The following TTC19 variants were observed in gnomAD, a reference collection of about 807,000 sequenced individuals.
The protein encoded by TTC19 is tetratricopeptide repeat domain 19, also known as tetratricopeptide repeat protein 19, mitochondrial.
A neutral mutation model predicts 49.5 loss-of-function variants in TTC19; 38 were observed. That is an observed-to-expected ratio of 0.77 (90% CI 0.59 to 1.01). The LOEUF (loss-of-function observed/expected upper bound fraction) is 1.01. Ranked by LOEUF, TTC19 falls within the 50% of genes least tolerant of loss-of-function variation. The pLI is 0.00. For missense variants in TTC19, 475 were observed against 477.7 expected, an observed-to-expected ratio of 0.99 and a Z score of 0.05; for synonymous variants, 204 against 185.2, an observed-to-expected ratio of 1.10 and a Z score of -0.83.
intron 7 of TTC19, among the ~76,000 whole-genome samples, chr17:16,019,170 TAAAAATACAAAAATTAGCC>T (rs1486050797): frequency 6.6e-6 from 1 of 152,118 alleles, no homozygotes; most frequent in Non-Finnish European, 1.5e-5. Flanking sequence ...TTGTCTCTAC[TAAAAATACAAAAATTAGCC>T]CAACATGGTG....
chr17:16,021,753 T>G (rs1597465307), intron 7 of TTC19, among the ~76,000 whole-genome samples: 1 of 152,204 alleles, frequency 6.6e-6, no homozygotes, highest in Non-Finnish European at 1.5e-5. Context: ...TCTAAAATTT[T>G]GGGGGATGAG....
Position 16,029,348 on chromosome 17 carries a change from G to A in TTC19, c.*1826G>A. On this transcript the variant is annotated 3_prime_UTR_variant, in exon 10 of 10. Transcript: ENST00000261647. ...GGAGGACTGATCTCCTTTACTGATT[G>A]GTCTAAATTCAAAAGTGAATTGGTT... The A allele has an allele frequency of 2.5e-6, 1 of 395,096 alleles. No homozygotes were observed. Among genetic ancestry groups the A allele is most frequent in the South Asian group, 1.9e-5 (1 of 52,824 alleles). The allele number at this position is 395,096 out of a possible 1,614,324, so 24.5% of individuals were successfully genotyped here.
downstream of TTC19, chr17:16,031,900 G>A (rs971876924): frequency 7.6e-5 from 18 of 237,378 alleles, no homozygotes; most frequent in Middle Eastern, 1.2e-3. Flanking sequence ...AAGTTGATGC[G>A]CTGATTTGAA....
downstream of TTC19, chr17:16,032,490 A>G (rs779704322): frequency 1.3e-6 from 2 of 1,559,966 alleles, no homozygotes; most frequent in East Asian, 4.7e-5. Context: ...GAGCCTGACA[A>G]AAGAAAAATT....
intron 7 of TTC19, among the ~76,000 whole-genome samples, chr17:16,008,492 T>A (rs1970975338): frequency 6.6e-6 from 1 of 152,200 alleles, no homozygotes; most frequent in Non-Finnish European, 1.5e-5. Flanking sequence ...TGACCATGTC[T>A]CATCCCATTA....
intron 2 of TTC19, among the ~76,000 whole-genome samples, chr17:16,038,830 G>GCA (rs1444623606): frequency 2.0e-4 from 30 of 152,258 alleles, no homozygotes; most frequent in African/African-American, 7.0e-4. Context: ...GAGTGCAGTG[G>GCA]TGTGATCTCA....
In TTC19 at chr17:16,025,004, CTT is replaced by C; in HGVS notation, c.677-10_677-9del. 6.2e-7 allele frequency: 1 copy of C among 1,613,798 alleles called. No homozygotes were observed. Among genetic ancestry groups the C allele is most frequent in the South Asian group, 1.1e-5 (1 of 91,066 alleles). Reference sequence around the variant, plus strand: ...CATTTGGGTAGATTTGCTGATTCCTCTTTTCTCCTTAGTGGAAGAGAAAGCCA... The same window carrying C: ...CATTTGGGTAGATTTGCTGATTCCTCTTCTCCTTAGTGGAAGAGAAAGCCA... On this transcript the variant is annotated splice_polypyrimidine_tract_variant and intron_variant, in intron 7 of 9. Transcript: ENST00000261647.
At chr17:16,009,691 G>T (rs1260185572) in intron 7 of TTC19, among the ~76,000 whole-genome samples, 3 of 151,984 alleles carry the variant, frequency 2.0e-5, no homozygotes, top group African/African-American at 4.8e-5. Flanking sequence ...AAATTTACGT[G>T]CTTTTTATTG....
chr17:16,023,107 C>T (rs1449765871), intron 7 of TTC19, among the ~76,000 whole-genome samples: 1 of 152,076 alleles, frequency 6.6e-6, no homozygotes, highest in East Asian at 1.9e-4. Context: ...AGTTTTCTTA[C>T]GTTTTCTAAA....
chr17:16,044,838 G>A, exon 3 of TTC19: 1 of 1,039,952 alleles, frequency 9.6e-7, no homozygotes, highest in Non-Finnish European at 1.5e-6. Flanking sequence ...CCAGCAGCTG[G>A]TGCTGCACCA....
chr17:16,012,341 A>C (rs1264551553), intron 7 of TTC19, among the ~76,000 whole-genome samples: 2 of 152,030 alleles, frequency 1.3e-5, no homozygotes, highest in African/African-American at 4.8e-5. Context: ...TTATCTGGGC[A>C]TGGTGTTGCG....
At chr17:16,032,799 G>C (rs1260189990), downstream of TTC19, among the ~76,000 whole-genome samples, 4 of 152,246 alleles carry the variant, frequency 2.6e-5, no homozygotes, top group South Asian at 4.1e-4. Flanking sequence ...GAGAATCACA[G>C]AGTCAGGTTA....
intron 9 of TTC19, 48 bp downstream of exon 9, chr17:16,026,750 C>T (rs1476539812): frequency 1.3e-6 from 2 of 1,598,352 alleles, no homozygotes; most frequent in Non-Finnish European, 1.7e-6. Flanking sequence ...GGAGGGATGT[C>T]ACTGGATTGA....
chr17:16,026,054 G>C (rs1597469302), intron 8 of TTC19, among the ~76,000 whole-genome samples: 1 of 152,100 alleles, frequency 6.6e-6, no homozygotes, highest in East Asian at 1.9e-4. Flanking sequence ...TTCCATTTCA[G>C]TAGCCAAATT....
At chr17:16,031,207 G>T (rs1045955167), downstream of TTC19, 5 of 199,796 alleles carry the variant, frequency 2.5e-5, no homozygotes, top group Admixed American at 6.0e-5. Context: ...GTAAATGCTG[G>T]TCCATAGTGA....
Position 16,028,818 on chromosome 17 carries a change from CAAAAAAAAAAAAAAA to C in TTC19, c.*1310_*1324del, listed in dbSNP as rs59177775. ...GTATCCCAGTAATCTTTGCATTTCT[CAAAAAAAAAAAAAAA>C]AAAAAAAAAAAAACTTTCTGAAGAA... is the stretch of plus-strand genomic sequence containing the variant. On this transcript the variant is annotated 3_prime_UTR_variant, in exon 10 of 10. Coordinates refer to ENST00000261647, the MANE Select transcript of TTC19 (RefSeq NM_017775.4). 14 of 98,094 alleles carry C rather than the reference CAAAAAAAAAAAAAAA, an allele frequency of 1.4e-4. No homozygotes were observed. Among genetic ancestry groups the C allele is most frequent in the South Asian group, 1.8e-4 (3 of 16,946 alleles). The allele number at this position is 98,094 out of a possible 1,614,324, so 6.1% of individuals were successfully genotyped here. A position where few individuals can be genotyped will look rare whatever the true frequency, so the allele number is the denominator to read the frequency against.
intron 2 of TTC19, among the ~76,000 whole-genome samples, chr17:16,042,826 A>T (rs1452085167): frequency 6.6e-6 from 1 of 152,224 alleles, no homozygotes; most frequent in Non-Finnish European, 1.5e-5. Flanking sequence ...AGGAGCCAGT[A>T]AGTTAGTCAA....
chr17:16,027,061 A>G (rs1971584150), intron 9 of TTC19: 1 of 509,052 alleles, frequency 2.0e-6, no homozygotes, highest in African/African-American at 1.9e-5. Context: ...TTTGTCAGAC[A>G]TTTCTTAGTG....
intron 3 of TTC19, among the ~76,000 whole-genome samples, chr17:16,002,476 C>T (rs1970769854): frequency 6.6e-6 from 1 of 152,118 alleles, no homozygotes; most frequent in Non-Finnish European, 1.5e-5. Context: ...CACGCCCGGC[C>T]ACAGCTTCAG....
Sources: gnomAD v4.1 joint callset for allele counts (sites outside exome capture counted in the v4.1 genomes callset) on GRCh38, gnomAD v4.1.1 for gene constraint, MANE v1.5 for transcripts, NCBI Gene and HGNC (gene_info 2026-07-23, HGNC 2026-07-21) for gene names.